PPP2R5C: variants seen among roughly 807,000 people sequenced by gnomAD.
PPP2R5C encodes the protein serine/threonine-protein phosphatase 2A 56 kDa regulatory subunit gamma isoform.
A neutral mutation model predicts 68.9 loss-of-function variants in PPP2R5C; 7 were observed. That is an observed-to-expected ratio of 0.10 (90% CI 0.06 to 0.19). The LOEUF is 0.19. Ranked by LOEUF, PPP2R5C falls within the 10% of genes least tolerant of loss-of-function variation. PPP2R5C has a pLI of 1.00. For synonymous variants in PPP2R5C, 210 were observed against 222.2 expected (o/e 0.95, Z 0.49); for missense variants, 348 against 641.3 (o/e 0.54, Z 4.94).
chr14:101,889,308 C>T (rs1489089325), intron 5 of PPP2R5C, among the ~76,000 whole-genome samples: 1 of 152,218 alleles, frequency 6.6e-6, no homozygotes, highest in Non-Finnish European at 1.5e-5. Context: ...GGATACCCCT[C>T]GTGGACTGCT....
chr14:101,850,331 T>G (rs1452167198), intron 1 of PPP2R5C, among the ~76,000 whole-genome samples: 1 of 152,244 alleles, frequency 6.6e-6, no homozygotes, highest in Non-Finnish European at 1.5e-5. Context: ...TTTTCTGTAT[T>G]GCAACAGCAG....
rs1320402598 is a variant in PPP2R5C, at chr14:101,879,378, C to G, written c.295-2783C>G. 1 of 152,854 alleles carries G rather than the reference C, an allele frequency of 6.5e-6. No homozygotes were observed. Among genetic ancestry groups the G allele is most frequent in the African/African-American group, 2.4e-5 (1 of 41,476 alleles). The allele number at this position is 152,854 out of a possible 1,614,324, so 9.5% of individuals were successfully genotyped here. A position where few individuals can be genotyped will look rare whatever the true frequency, so the allele number is the denominator to read the frequency against. ...CTCGTCTCTGGGTGAGCTGACCCCTCTCTCCCTTGGCAGCTTCCTGGGCGG... is the reference window on the plus strand; with the variant it reads ...CTCGTCTCTGGGTGAGCTGACCCCTGTCTCCCTTGGCAGCTTCCTGGGCGG... On this transcript the variant is annotated intron_variant, in intron 2 of 13. Transcript: ENST00000334743. The surrounding 1 kb of genome is among the most constrained non-coding windows in gnomAD (Gnocchi z 4.2).
intron 2 of PPP2R5C, among the ~76,000 whole-genome samples, chr14:101,785,092 C>G (rs1166882162): frequency 6.6e-6 from 1 of 152,112 alleles, no homozygotes; most frequent in Non-Finnish European, 1.5e-5. Context: ...TATGGTGCAG[C>G]CTGGGAATGA....
chr14:101,822,210 A>C (rs1427486510), intron 1 of PPP2R5C, among the ~76,000 whole-genome samples: 1 of 151,918 alleles, frequency 6.6e-6, no homozygotes, highest in Non-Finnish European at 1.5e-5. Context: ...AAGTCACCTT[A>C]CTTTCCTGAA....
At chr14:101,770,571 G>A (rs1376528875) in intron 2 of PPP2R5C, among the ~76,000 whole-genome samples, 1 of 152,214 alleles carries the variant, frequency 6.6e-6, no homozygotes, top group South Asian at 2.1e-4. Flanking sequence ...AAATTATGGA[G>A]TTCCAGAAAG....
intron 3 of PPP2R5C, among the ~76,000 whole-genome samples, chr14:101,787,494 T>C (rs2038153329): frequency 6.6e-6 from 1 of 152,044 alleles, no homozygotes; most frequent in South Asian, 2.1e-4. Context: ...CCGGGCGCAG[T>C]GGCTCATGCC....
At chr14:101,872,219 CTTTTTTTT>C (rs386382344) in intron 2 of PPP2R5C, among the ~76,000 whole-genome samples, 3 of 91,196 alleles carry the variant, frequency 3.3e-5, no homozygotes, top group African/African-American at 1.5e-4. Flanking sequence ...TTTCTTTTGC[CTTTTTTTT>C]TTTTTTTTTT....
chr14:101,852,680 T>TAGGCTAGTCTCGAACTCCTGACCTC (rs2042233136), intron 1 of PPP2R5C, among the ~76,000 whole-genome samples: 4 of 151,972 alleles, frequency 2.6e-5, no homozygotes, highest in Admixed American at 2.6e-4. Flanking sequence ...CCATGTTGGC[T>TAGGCTAGTCTCGAACTCCTGACCTC]AGGCTAGTCT....
chr14:101,889,010 TAA>T (rs796892237), intron 5 of PPP2R5C, among the ~76,000 whole-genome samples: 1 of 146,592 alleles, frequency 6.8e-6, no homozygotes, highest in Non-Finnish European at 1.5e-5. Context: ...CACTGCCATA[TAA>T]AAAAAAAAAA....
chr14:101,795,065 G>A (rs949142353), intron 3 of PPP2R5C, among the ~76,000 whole-genome samples: 2 of 152,232 alleles, frequency 1.3e-5, no homozygotes, highest in African/African-American at 2.4e-5. Context: ...TAGTGGGAAC[G>A]AGAGGCATGA....
intron 1 of PPP2R5C, chr14:101,823,762 C>G (rs2040229382): frequency 3.7e-6 from 4 of 1,093,148 alleles, no homozygotes; most frequent in Admixed American, 4.3e-5. Context: ...GGGCTCACCC[C>G]TCTCTGAGCA....
rs181283532 is a variant in PPP2R5C at position 101,888,762 on chromosome 14, T to A, written c.630-1475T>A. Among the ~76,000 whole-genome samples, 55 of 152,250 alleles carry A rather than the reference T, an allele frequency of 3.6e-4. No homozygotes were observed. The highest frequency in any genetic ancestry group is 1.5e-5 in the Non-Finnish European group (1 of 68,014). The stretch of plus-strand genomic sequence containing the variant: ...ATGTGCCACCATGCCCGGCTAATTT[T>A]TATATATTTAGTAGAGGTGGAGTTT... On this transcript the variant is annotated intron_variant, in intron 5 of 13. Coordinates refer to ENST00000334743, the Ensembl canonical transcript of PPP2R5C. This position sits in a 1 kb window ranked among gnomAD's most constrained non-coding sequence, Gnocchi z 5.6.
At chr14:101,883,086 C>T in intron 3 of PPP2R5C, 171 bp from the exon 6 acceptor site, 1 of 572,936 alleles carries the variant, frequency 1.7e-6, no homozygotes, top group Non-Finnish European at 3.0e-6. Flanking sequence ...AAAATAATTA[C>T]CATCACCATT....
chr14:101,896,161 A>G (rs991944826), intron 8 of PPP2R5C, among the ~76,000 whole-genome samples: 1 of 152,026 alleles, frequency 6.6e-6, no homozygotes, highest in Non-Finnish European at 1.5e-5. Context: ...CTGGGATTAC[A>G]GGTGCCTGCC....
intron 1 of PPP2R5C, chr14:101,820,755 C>T (rs954634890): frequency 1.3e-5 from 2 of 151,994 alleles, no homozygotes; most frequent in African/African-American, 4.8e-5. Flanking sequence ...AAGATACATG[C>T]AAAAATGTAC....
rs753205472 is a variant in PPP2R5C, at chr14:101,906,476, T to C, written c.1098T>C (p.Ile366=). 5.0e-6 allele frequency: 8 copies of C among 1,613,660 alleles called. No homozygotes were observed. In the Admixed American group the frequency reaches 1.3e-4, roughly 27 times the overall value. ...TAATCAGTGACAACGCAGCGAAGAT[T>C]CTGCCCATCATGTTTCCTTCCTTGT... Residue 366 remains isoleucine, a synonymous_variant, in exon 10 of 14, where the codon ATT becomes ATC. Transcript: ENST00000334743. This position sits in a 1 kb window ranked among gnomAD's most constrained non-coding sequence, Gnocchi z 4.0.
intron 7 of PPP2R5C, 129 bp downstream of exon 9, chr14:101,893,237 C>T (rs1350010676): frequency 1.7e-6 from 1 of 582,686 alleles, no homozygotes; most frequent in Non-Finnish European, 3.0e-6. Context: ...TGGTAACAAA[C>T]TTCTGGTGAT....
At chr14:101,853,288 T>G (rs1457840779) in intron 1 of PPP2R5C, among the ~76,000 whole-genome samples, 2 of 152,136 alleles carry the variant, frequency 1.3e-5, no homozygotes, top group Non-Finnish European at 2.9e-5. Context: ...AATGAGATTT[T>G]TTAAATGAAG....
rs1014284857 is a variant in PPP2R5C at position 101,907,764 on chromosome 14, G to T, written c.1151+1235G>T. On this transcript the variant is annotated intron_variant, in intron 10 of 13. Coordinates refer to ENST00000334743, the Ensembl canonical transcript of PPP2R5C. ...TATTGGGCACCCCTCTGGCTGTGCT[G>T]CACAGTCACCCTGCTGCCGGCGGAC... Among the ~76,000 whole-genome samples the T allele has an allele frequency of 3.9e-5, 6 of 152,132 alleles. 1 individual carries two copies. Among genetic ancestry groups the T allele is most frequent in the Admixed American group, 2.6e-4 (4 of 15,284 alleles).
Sources: gnomAD v4.1 joint callset for allele counts (sites outside exome capture counted in the v4.1 genomes callset) on GRCh38, gnomAD v4.1.1 for gene constraint, Gnocchi (gnomAD v3.1) non-coding constraint, MANE v1.5 for transcripts, NCBI Gene and HGNC (gene_info 2026-07-23, HGNC 2026-07-21) for gene names.